GPHN: variants seen among roughly 807,000 people sequenced by gnomAD.
The protein encoded by GPHN is gephyrin.
Under a neutral mutation model 95.5 loss-of-function variants are expected in GPHN, and 17 were observed. The observed-to-expected ratio is 0.18, with a 90% CI of 0.12 to 0.27. The LOEUF is 0.27. GPHN is among the 10% of genes least tolerant of loss of function. The pLI, the probability that GPHN is intolerant of heterozygous loss-of-function variation, is 1.00. For missense variants in GPHN, 660 were observed against 978.1 expected (o/e 0.67, Z 4.34); for synonymous variants, 320 against 322.5 (o/e 0.99, Z 0.08).
At chr14:67,320,531 G>A in the GPHN span, 2 of 794,564 alleles carry the variant, frequency 2.5e-6, no homozygotes, top group African/African-American at 1.8e-5. Flanking sequence ...TTTAACCAAA[G>A]ATTTTGACAA....
the GPHN span, among the ~76,000 whole-genome samples, chr14:67,489,180 G>A: frequency 1.4e-4 from 21 of 152,286 alleles, no homozygotes; most frequent in Middle Eastern, 0.01. Flanking sequence ...GGCAGGAAGG[G>A]CAGAAATGGT....
chr14:67,150,470 A>AACAAAACAAAACAAAACAAAAAT (rs1567410937), intron 18 of GPHN, among the ~76,000 whole-genome samples: 5 of 148,536 alleles, frequency 3.4e-5, no homozygotes, highest in African/African-American at 4.9e-5. Flanking sequence ...AAAAAAAAAA[A>AACAAAACAAAACAAAACAAAAAT]AAACATTGTA....
In GPHN at chr14:66,585,739, C is replaced by G. The variant is rs1044462768; in HGVS notation, c.64+77148C>G. On this transcript the variant is annotated intron_variant, in intron 1 of 22. Transcript: ENST00000478722. ...AATCCTGAGTTCTAGTTTGATTGCA[C>G]TGTGGTCTGAGAGACAGTTTGTTAT... 1.8e-3 allele frequency among the ~76,000 whole-genome samples: 281 copies of G among 152,274 alleles called. 1 individual carries two copies. The highest frequency in any genetic ancestry group is 3.3e-3 in the Non-Finnish European group (226 of 68,026).
the GPHN span, among the ~76,000 whole-genome samples, chr14:67,602,128 A>G: frequency 1.3e-5 from 2 of 152,244 alleles, no homozygotes; most frequent in African/African-American, 2.4e-5. Flanking sequence ...ATTTATAAAG[A>G]AAAGAGGTTT....
At chr14:67,034,042 C>G (rs1178575260) in intron 10 of GPHN, among the ~76,000 whole-genome samples, 1 of 152,184 alleles carries the variant, frequency 6.6e-6, no homozygotes, top group African/African-American at 2.4e-5. Flanking sequence ...TTCATCACAA[C>G]TAGACCTGGC....
At chr14:67,440,790 G>T in the GPHN span, among the ~76,000 whole-genome samples, 4 of 151,460 alleles carry the variant, frequency 2.6e-5, no homozygotes, top group Non-Finnish European at 5.9e-5. Context: ...CCCTGATGCT[G>T]CCCTGATTCT....
chr14:66,522,010 T>C lies in GPHN; in HGVS notation c.64+13419T>C, dbSNP rs1566751586. On this transcript the variant is annotated intron_variant, in intron 1 of 22. Coordinates refer to ENST00000478722, the MANE Select transcript of GPHN (RefSeq NM_020806.5). ...AGTCACTGTTTCTTCTTTCTCCTGC[T>C]TCTGCCATGAAAATGCTCCTCTGGC... Among the ~76,000 whole-genome samples, 8 of 152,272 alleles carry C rather than the reference T, an allele frequency of 5.3e-5. No individual in the cohort carries two copies. In the South Asian group the frequency reaches 1.7e-3, roughly 32 times the overall value.
chr14:66,537,515 T>C (rs953773418), intron 1 of GPHN, among the ~76,000 whole-genome samples: 2 of 152,190 alleles, frequency 1.3e-5, no homozygotes, highest in South Asian at 2.1e-4. Context: ...TTAACTTTGT[T>C]TATTCCCTCC....
chr14:67,061,509 A>G (rs2075822833), intron 11 of GPHN, among the ~76,000 whole-genome samples: 1 of 152,146 alleles, frequency 6.6e-6, no homozygotes, highest in South Asian at 2.1e-4. Context: ...TCATAACCTC[A>G]AGATAAAATT....
the GPHN span, among the ~76,000 whole-genome samples, chr14:67,362,349 G>C: frequency 6.6e-6 from 1 of 151,764 alleles, no homozygotes; most frequent in Non-Finnish European, 1.5e-5. Flanking sequence ...TGTATCATTA[G>C]TGCTTAGTAC....
chr14:66,605,527 A>ATTTTTTTTTTTTTT (rs59245552), intron 1 of GPHN, among the ~76,000 whole-genome samples: 1 of 116,438 alleles, frequency 8.6e-6, no homozygotes, highest in Non-Finnish European at 1.7e-5. Flanking sequence ...TCCTTTGCCG[A>ATTTTTTTTTTTTTT]TTTTTTTTTT....
At position 67,165,217 on chromosome 14, in the gene GPHN, G is replaced by T; in HGVS notation, c.1966G>T (p.Ala656Ser). 6.3e-7 allele frequency: 1 copy of T among 1,599,528 alleles called. No individual in the cohort carries two copies. The highest frequency in any genetic ancestry group is 2.2e-5 in the East Asian group (1 of 44,750). The stretch of plus-strand genomic sequence containing the variant: ...TGATGGTGTAAGAAAAATAATCTTT[G>T]CACTACCTGGTAAGAATAACAAATT... Reference protein sequence around the residue: ...DIDGVRKIIFALPGNPVSAVV... With the variant: ...DIDGVRKIIFSLPGNPVSAVV... The change falls in exon 20 of 23, where the codon GCA becomes TCA. Residue 656 changes from alanine to serine, a missense_variant. Around this residue, in one of 6 missense-constraint regions of GPHN, gnomAD observed 257 missense variants for 376.2 expected, o/e 0.68. Coordinates refer to ENST00000478722, the MANE Select transcript of GPHN (RefSeq NM_020806.5).
chr14:66,953,356 G>A (rs955534310), intron 8 of GPHN, among the ~76,000 whole-genome samples: 1 of 151,814 alleles, frequency 6.6e-6, no homozygotes, highest in Non-Finnish European at 1.5e-5. Flanking sequence ...TAATTTTTCT[G>A]TTGTTGCTTG....
At chr14:67,506,712 G>A in the GPHN span, among the ~76,000 whole-genome samples, 6 of 152,308 alleles carry the variant, frequency 3.9e-5, no homozygotes, top group South Asian at 4.2e-4. Context: ...TGGGCCAGGA[G>A]TGGTGGCTCA....
intron 10 of GPHN, among the ~76,000 whole-genome samples, chr14:67,029,290 G>A (rs1260854056): frequency 1.3e-5 from 2 of 150,784 alleles, no homozygotes; most frequent in African/African-American, 4.9e-5. Flanking sequence ...AGTACTACTA[G>A]TAATACTATG....
chr14:67,473,169 C>A, the GPHN span: 5 of 527,794 alleles, frequency 9.5e-6, no homozygotes, highest in Admixed American at 1.6e-4. This position sits in a 1 kb window ranked among gnomAD's most constrained non-coding sequence, Gnocchi z 6.5. Flanking sequence ...CTGGTACCAA[C>A]CCCTGAACTG....
At chr14:66,546,556 G>A (rs969480636) in intron 1 of GPHN, among the ~76,000 whole-genome samples, 7 of 152,136 alleles carry the variant, frequency 4.6e-5, no homozygotes, top group East Asian at 1.9e-4. Flanking sequence ...GATCACTCAC[G>A]GTTAGGAGCT....
chr14:66,773,057 A>G (rs2059240511), intron 2 of GPHN, among the ~76,000 whole-genome samples: 1 of 152,108 alleles, frequency 6.6e-6, no homozygotes, highest in African/African-American at 2.4e-5. Context: ...CATTTGGCTC[A>G]GTAGCCTAGG....
At chr14:67,724,742 C>A in the GPHN span, 1,589 of 706,560 alleles carry the variant, frequency 2.2e-3, 4 homozygotes, top group Non-Finnish European at 3.3e-3. Flanking sequence ...AACTGTGACA[C>A]CAACTTACAC....
Sources: allele counts gnomAD v4.1 joint callset (sites outside exome capture counted in the v4.1 genomes callset), GRCh38; gene constraint gnomAD v4.1.1; regional missense constraint gnomAD v4.1.1; non-coding constraint Gnocchi (gnomAD v3.1); transcripts MANE v1.5; gene names NCBI Gene and HGNC (gene_info 2026-07-23, HGNC 2026-07-21).